Variants in VAPB observed in about 807,000 individuals in gnomAD.
VAPB encodes vesicle-associated membrane protein-associated protein B/C.
VAPB carries 7 observed loss-of-function variants against 25.6 expected under a neutral mutation model. That is an observed-to-expected ratio of 0.27 (90% confidence interval 0.16 to 0.51). The LOEUF is 0.51. VAPB is among the 20% of genes least tolerant of loss of function. VAPB has a pLI of 0.97. For missense variants in VAPB, 266 were observed against 301.3 expected, an observed-to-expected ratio of 0.88 and a Z score of 0.87; for synonymous variants, 112 against 109.2, an observed-to-expected ratio of 1.03 and a Z score of -0.16.
chr20:58,448,262 C>T lies in VAPB; in HGVS notation c.*4027C>T. On this transcript the variant is annotated 3_prime_UTR_variant, in exon 6 of 6. Transcript: ENST00000475243. ...GACCACTCTTCTGGAACACCAAGAG[C>T]AGCTCTGAGATCATGCTGGCCCTAC... 2.2e-6 allele frequency: 1 copy of T among 454,064 alleles called. No homozygotes were observed. The highest frequency in any genetic ancestry group is 4.4e-6 in the Non-Finnish European group (1 of 226,774). The allele number at this position is 454,064 out of a possible 1,614,324, so 28.1% of individuals were successfully genotyped here.
intron 1 of VAPB, among the ~76,000 whole-genome samples, chr20:58,406,795 A>G (rs1432072332): frequency 6.6e-6 from 1 of 152,196 alleles, no homozygotes; most frequent in Non-Finnish European, 1.5e-5. Context: ...TCATACCCCT[A>G]ACTTGAGCAT....
chr20:58,410,466 G>C (rs1988349602), intron 1 of VAPB, among the ~76,000 whole-genome samples: 1 of 151,958 alleles, frequency 6.6e-6, no homozygotes, highest in South Asian at 2.1e-4. Context: ...ACACAGGCTG[G>C]AGTGCAGTGG....
At chr20:58,411,684 T>G (rs1437221575) in intron 1 of VAPB, among the ~76,000 whole-genome samples, 2 of 152,218 alleles carry the variant, frequency 1.3e-5, no homozygotes, top group Non-Finnish European at 2.9e-5. Flanking sequence ...TTTATTTTTA[T>G]TATTTTTTGA....
intron 1 of VAPB, among the ~76,000 whole-genome samples, chr20:58,392,470 G>A (rs6015264): frequency 0.21 from 31,539 of 152,118 alleles, 3,693 homozygotes; most frequent in African/African-American, 0.3. Context: ...AGACATCTGT[G>A]TGTGTTCTTA....
At chr20:58,406,204 A>T (rs1346304091) in intron 1 of VAPB, among the ~76,000 whole-genome samples, 1 of 152,156 alleles carries the variant, frequency 6.6e-6, no homozygotes, top group Non-Finnish European at 1.5e-5. Context: ...CTGCAGATAT[A>T]AATTTGGCAG....
intron 1 of VAPB, among the ~76,000 whole-genome samples, chr20:58,392,805 G>C (rs746093609): frequency 5.9e-5 from 9 of 152,180 alleles, no homozygotes; most frequent in Non-Finnish European, 1.2e-4. Flanking sequence ...TGTGTGGTAT[G>C]TTAAATTTAA....
chr20:58,419,818 A>C (rs945565676), intron 2 of VAPB, among the ~76,000 whole-genome samples: 1 of 152,186 alleles, frequency 6.6e-6, no homozygotes, highest in Non-Finnish European at 1.5e-5. Flanking sequence ...GCCTGTATCA[A>C]ATTTGAGCAA....
chr20:58,433,518 C>CACCA (rs1988970369), intron 2 of VAPB, among the ~76,000 whole-genome samples: 1 of 152,176 alleles, frequency 6.6e-6, no homozygotes, highest in African/African-American at 2.4e-5. Context: ...GAGGACAAGG[C>CACCA]ACCAGTCCTT....
At chr20:58,406,688 T>C (rs1211696949) in intron 1 of VAPB, among the ~76,000 whole-genome samples, 1 of 152,222 alleles carries the variant, frequency 6.6e-6, no homozygotes, top group Non-Finnish European at 1.5e-5. Flanking sequence ...TGGAACACTT[T>C]GGAGAAGTTT....
chr20:58,397,724 C>G (rs1435368284), intron 1 of VAPB, among the ~76,000 whole-genome samples: 2 of 152,156 alleles, frequency 1.3e-5, no homozygotes, highest in Non-Finnish European at 2.9e-5. Context: ...CCACCTTAAA[C>G]TTTGTAAGTG....
intron 1 of VAPB, among the ~76,000 whole-genome samples, chr20:58,391,692 C>G (rs1040490044): frequency 1.3e-5 from 2 of 152,194 alleles, no homozygotes; most frequent in Non-Finnish European, 2.9e-5. Flanking sequence ...GCCACTACGC[C>G]TGGCTAAATT....
At chr20:58,416,319 A>G (rs1398050935) in intron 1 of VAPB, among the ~76,000 whole-genome samples, 1 of 124,230 alleles carries the variant, frequency 8.0e-6, no homozygotes, top group Non-Finnish European at 1.8e-5. Context: ...AAGTGTTTAC[A>G]TTTAAATTTG....
chr20:58,448,543 G>A lies in VAPB; in HGVS notation c.*4308G>A, dbSNP rs560910730. 1 of 454,062 alleles carries A rather than the reference G, an allele frequency of 2.2e-6. No homozygotes were observed. The highest frequency in any genetic ancestry group is 2.0e-5 in the African/African-American group (1 of 50,106). The allele number at this position is 454,062 out of a possible 1,614,324, so 28.1% of individuals were successfully genotyped here. ...GGAGGTTAAATCGGGCAACTTTTTA[G>A]AACTAAATCAGTCTCTGTAAGGCCT... On this transcript the variant is annotated 3_prime_UTR_variant, in exon 6 of 6. Transcript: ENST00000475243.
At chr20:58,414,940 G>T (rs1343169483) in intron 1 of VAPB, among the ~76,000 whole-genome samples, 1 of 152,272 alleles carries the variant, frequency 6.6e-6, no homozygotes, top group African/African-American at 2.4e-5. Flanking sequence ...GCACCACCGA[G>T]CACTGAGTGA....
Position 58,444,006 on chromosome 20 carries a change from G to A in VAPB, c.574-71G>A, listed in dbSNP as rs563832615. ...ACACTGGGCATAAACAGCCCATCCCGTTAAGCTGTACAGTTGACTCCCCTT... is the reference window on the plus strand; with the variant it reads ...ACACTGGGCATAAACAGCCCATCCCATTAAGCTGTACAGTTGACTCCCCTT... On this transcript the variant is annotated intron_variant, in intron 5 of 5. Coordinates refer to ENST00000475243, the MANE Select transcript of VAPB (RefSeq NM_004738.5). The A allele has an allele frequency of 2.5e-5, 41 of 1,610,374 alleles. No homozygotes were observed. The African/African-American group carries it at 2.9e-4, about 12-fold the overall frequency.
chr20:58,444,380 C>A lies in VAPB; in HGVS notation c.*145C>A. ...TTTAAATTACCCCTCCCTGCACACA[C>A]ATACACAGATACACACACACAAATA... On this transcript the variant is annotated 3_prime_UTR_variant, in exon 6 of 6. Transcript: ENST00000475243. The A allele has an allele frequency of 9.2e-7, 1 of 1,085,176 alleles. No homozygotes were observed. The highest frequency in any genetic ancestry group is 1.4e-6 in the Non-Finnish European group (1 of 711,752). 67.2% of individuals were successfully genotyped at this position (1,085,176 alleles called of 1,614,324 possible).
intron 2 of VAPB, among the ~76,000 whole-genome samples, chr20:58,433,547 A>G (rs1172304365): frequency 1.3e-5 from 2 of 152,224 alleles, no homozygotes; most frequent in African/African-American, 4.8e-5. Flanking sequence ...CTGTGAACTT[A>G]GGTCCCCACA....
Position 58,418,204 on chromosome 20 carries a change from T to G in VAPB, c.59-7T>G, listed in dbSNP as rs1206961507. ...GACCCCCAATCAGTCTCTGTCTCAT[T>G]CTACAGGTCCCTTCACCGATGTTGT... On this transcript the variant is annotated splice_region_variant and splice_polypyrimidine_tract_variant and intron_variant, in intron 1 of 5. Transcript: ENST00000475243. 4 of 1,614,150 alleles carry G rather than the reference T, an allele frequency of 2.5e-6. No individual in the cohort carries two copies. The South Asian group carries it at 4.4e-5, about 18-fold the overall frequency.
Position 58,412,627 on chromosome 20 carries a change from C to G in VAPB, c.59-5584C>G, listed in dbSNP as rs529232682. ...ATATTTACTCCTTAAAAACTTCTAT[C>G]TTGCCATTTAGTAGATAGGATGTTA... On this transcript the variant is annotated intron_variant, in intron 1 of 5. Transcript: ENST00000475243. 8.2e-5 allele frequency among the ~76,000 whole-genome samples: 12 copies of G among 146,884 alleles called. No homozygotes were observed. In the East Asian group the frequency reaches 2.4e-3, roughly 29 times the overall value.
Sources: allele counts gnomAD v4.1 joint callset (sites outside exome capture counted in the v4.1 genomes callset), GRCh38; gene constraint gnomAD v4.1.1; transcripts MANE v1.5; gene names NCBI Gene and HGNC (gene_info 2026-07-23, HGNC 2026-07-21).